The following PRKG1 variants were observed in gnomAD, a reference collection of about 807,000 sequenced individuals.
The protein encoded by PRKG1 is protein kinase cGMP-dependent 1, also known as cGMP-dependent protein kinase 1.
Under a neutral mutation model 88.1 loss-of-function variants are expected in PRKG1, and 35 were observed. The observed-to-expected ratio is 0.40, with a 90% CI of 0.30 to 0.53. PRKG1 has a LOEUF of 0.53. Among genes scored for constraint, PRKG1 ranks in the 20% least tolerant of loss-of-function variants. The pLI, the probability that PRKG1 is intolerant of heterozygous loss-of-function variation, is 0.59. For missense variants in PRKG1, 540 were observed against 839.8 expected (o/e 0.64, Z 4.41); for synonymous variants, 303 against 292.5 (o/e 1.04, Z -0.37).
At chr10:52,127,883 A>G (rs1289179001) in intron 7 of PRKG1, among the ~76,000 whole-genome samples, 5 of 152,262 alleles carry the variant, frequency 3.3e-5, no homozygotes, top group African/African-American at 7.2e-5. Context: ...TTAGTGATTG[A>G]CCTGATATGA....
intron 3 of PRKG1, among the ~76,000 whole-genome samples, chr10:51,735,457 G>A (rs571996437): frequency 6.6e-6 from 1 of 152,154 alleles, no homozygotes; most frequent in Non-Finnish European, 1.5e-5. Context: ...AAACTCTACA[G>A]TATCCTGTTT....
At chr10:51,565,835 T>C (rs1226764819) in intron 3 of PRKG1, among the ~76,000 whole-genome samples, 4 of 152,202 alleles carry the variant, frequency 2.6e-5, no homozygotes, top group Admixed American at 6.5e-5. Context: ...TATCAGAATA[T>C]GTGGATTGGA....
intron 2 of PRKG1, among the ~76,000 whole-genome samples, chr10:51,271,920 T>C (rs2132178559): frequency 6.6e-6 from 1 of 152,332 alleles, no homozygotes; most frequent in Non-Finnish European, 1.5e-5. Flanking sequence ...TATAATTCTT[T>C]GGGTGTATAC....
At chr10:51,108,185 C>G (rs574281843) in intron 1 of PRKG1, among the ~76,000 whole-genome samples, 3 of 152,052 alleles carry the variant, frequency 2.0e-5, no homozygotes, top group Admixed American at 2.0e-4. Flanking sequence ...AAAGAAGAAA[C>G]AATGCCAATT....
chr10:51,103,983 C>T (rs1456133002), intron 1 of PRKG1, among the ~76,000 whole-genome samples: 1 of 152,102 alleles, frequency 6.6e-6, no homozygotes, highest in East Asian at 1.9e-4. Context: ...AGAGTCATAA[C>T]AATGTGAGCA....
intron 1 of PRKG1, among the ~76,000 whole-genome samples, chr10:51,096,619 A>G (rs1049440052): frequency 6.6e-6 from 1 of 152,126 alleles, no homozygotes; most frequent in Non-Finnish European, 1.5e-5. Flanking sequence ...AGGCCTGCCA[A>G]TTTAATGCTG....
intron 8 of PRKG1, among the ~76,000 whole-genome samples, chr10:52,155,826 C>A (rs796997247): frequency 1.3e-5 from 2 of 151,600 alleles, no homozygotes; most frequent in South Asian, 2.1e-4. Context: ...CTTAACAAGA[C>A]CCTGTCCTGG....
chr10:51,331,054 G>A (rs1370914527), intron 2 of PRKG1, among the ~76,000 whole-genome samples: 1 of 152,054 alleles, frequency 6.6e-6, no homozygotes, highest in Non-Finnish European at 1.5e-5. Context: ...GGACAGATGT[G>A]GCTAGCATGG....
At chr10:51,614,272 C>T in intron 3 of PRKG1, among the ~76,000 whole-genome samples, 1 of 151,424 alleles carries the variant, frequency 6.6e-6, no homozygotes. Context: ...ACTGTTTTGC[C>T]TTAAAGTCTG....
chr10:51,683,765 A>C (rs1443239468), intron 3 of PRKG1, among the ~76,000 whole-genome samples: 1 of 152,102 alleles, frequency 6.6e-6, no homozygotes, highest in African/African-American at 2.4e-5. Context: ...GGTTCCCCCC[A>C]CCACCCTCCA....
chr10:51,682,090 A>G (rs1840865451), intron 3 of PRKG1, among the ~76,000 whole-genome samples: 1 of 152,192 alleles, frequency 6.6e-6, no homozygotes, highest in African/African-American at 2.4e-5. Context: ...CAAGCCATAA[A>G]AGCTCAAACC....
At chr10:51,423,127 A>T (rs1334000285) in intron 2 of PRKG1, among the ~76,000 whole-genome samples, 2 of 152,128 alleles carry the variant, frequency 1.3e-5, no homozygotes, top group Non-Finnish European at 2.9e-5. Flanking sequence ...GCAGAGTTAT[A>T]TTTCTCTATT....
intron 1 of PRKG1, among the ~76,000 whole-genome samples, chr10:51,119,974 G>T (rs573558354): frequency 6.6e-6 from 1 of 152,232 alleles, no homozygotes; most frequent in South Asian, 2.1e-4. Flanking sequence ...AATGATCACA[G>T]GTCCTAAGCT....
intron 3 of PRKG1, among the ~76,000 whole-genome samples, chr10:51,606,542 A>G (rs536120301): frequency 3.9e-5 from 6 of 152,340 alleles, no homozygotes; most frequent in African/African-American, 1.2e-4. Context: ...AATTAATGGC[A>G]TCTTTTCGTT....
intron 2 of PRKG1, among the ~76,000 whole-genome samples, chr10:51,229,830 G>A (rs1187424351): frequency 6.6e-6 from 1 of 150,888 alleles, no homozygotes; most frequent in Non-Finnish European, 1.5e-5. Context: ...GGGAAGCTGA[G>A]GTTGGAGGAT....
chr10:52,124,410 A>G (rs1230016206), intron 7 of PRKG1, among the ~76,000 whole-genome samples: 2 of 152,192 alleles, frequency 1.3e-5, no homozygotes, highest in Non-Finnish European at 2.9e-5. Flanking sequence ...ATATATCTAA[A>G]CATAGAAAAG....
intron 4 of PRKG1, among the ~76,000 whole-genome samples, chr10:51,884,118 G>A (rs1841503014): frequency 6.6e-6 from 1 of 151,456 alleles, no homozygotes; most frequent in Non-Finnish European, 1.5e-5. Context: ...GCTGATGGAA[G>A]TGATACTTTT....
rs772996942 is a variant in PRKG1 at position 51,698,324 on chromosome 10, C to G, written c.593-106261C>G. 1.7e-5 allele frequency: 28 copies of G among 1,614,064 alleles called. No homozygotes were observed. The African/African-American group carries it at 3.7e-4, about 22-fold the overall frequency. Reference sequence around the variant, plus strand: ...CGCTCGAGAATCTCTACCACCTCTACCATCCATAGGTAGACCCCTTTGATC... The same window carrying G: ...CGCTCGAGAATCTCTACCACCTCTAGCATCCATAGGTAGACCCCTTTGATC... On this transcript the variant is annotated intron_variant, in intron 3 of 17. Coordinates refer to ENST00000373980, the MANE Select transcript of PRKG1 (RefSeq NM_006258.4).
chr10:51,888,230 G>C (rs1841622290), intron 4 of PRKG1, among the ~76,000 whole-genome samples: 1 of 152,150 alleles, frequency 6.6e-6, no homozygotes, highest in African/African-American at 2.4e-5. Context: ...AATAAAAATT[G>C]AAAACTGAAG....
Sources: gnomAD v4.1 joint callset for allele counts (sites outside exome capture counted in the v4.1 genomes callset) on GRCh38, gnomAD v4.1.1 for gene constraint, MANE v1.5 for transcripts, NCBI Gene and HGNC (gene_info 2026-07-23, HGNC 2026-07-21) for gene names.